NEDD4L: variants seen among roughly 807,000 people sequenced by gnomAD.
NEDD4L encodes the protein E3 ubiquitin-protein ligase NEDD4-like.
A neutral mutation model predicts 148.9 loss-of-function variants in NEDD4L; 54 were observed. That is an observed-to-expected ratio of 0.36 (90% CI 0.29 to 0.45). The LOEUF is 0.45. NEDD4L is among the 20% of genes least tolerant of loss of function. The pLI, the probability that NEDD4L is intolerant of heterozygous loss-of-function variation, is 1.00. For synonymous variants in NEDD4L, 433 were observed against 440.7 expected, an observed-to-expected ratio of 0.98 and a Z score of 0.22; for missense variants, 856 against 1,233.8, an observed-to-expected ratio of 0.69 and a Z score of 4.59.
intron 1 of NEDD4L, among the ~76,000 whole-genome samples, chr18:58,069,136 CA>C (rs1161273608): frequency 0.087 from 6,373 of 73,218 alleles, 433 homozygotes; most frequent in African/African-American, 0.25. Flanking sequence ...AATCTGTCTC[CA>C]AAAAAAAAAA....
intron 2 of NEDD4L, among the ~76,000 whole-genome samples, chr18:58,223,058 T>C (rs1006205150): frequency 9.2e-5 from 14 of 151,708 alleles, no homozygotes; most frequent in African/African-American, 3.1e-4. Context: ...TTTTTAAACC[T>C]TTTTTAATGT....
chr18:58,071,060 C>T lies in NEDD4L; in HGVS notation c.48+26352C>T, dbSNP rs1050412362. Among the ~76,000 whole-genome samples, 4 of 152,118 alleles carry T rather than the reference C, an allele frequency of 2.6e-5. No homozygotes were observed. The East Asian group carries it at 5.8e-4, about 22-fold the overall frequency. ...AAAAAACACACACACACACACACCTCGGTTTCTGCCTAGTTTCTAGGATAG... is the reference window on the plus strand; with the variant it reads ...AAAAAACACACACACACACACACCTTGGTTTCTGCCTAGTTTCTAGGATAG... On this transcript the variant is annotated intron_variant, in intron 1 of 30. Coordinates refer to ENST00000400345, the MANE Select transcript of NEDD4L (RefSeq NM_001144967.3).
intron 1 of NEDD4L, among the ~76,000 whole-genome samples, chr18:58,108,355 A>T (rs1038677907): frequency 1.3e-5 from 2 of 152,214 alleles, no homozygotes; most frequent in Non-Finnish European, 2.9e-5. Flanking sequence ...GAGGAACATC[A>T]TGAAAATATT....
intron 1 of NEDD4L, chr18:58,045,896 C>T (rs1460979231): frequency 1.3e-5 from 2 of 152,234 alleles, no homozygotes; most frequent in Admixed American, 6.5e-5. Flanking sequence ...GAGGTTCCCT[C>T]TTTCTCTCGT....
chr18:58,363,760 G>A (rs769440751), intron 19 of NEDD4L, among the ~76,000 whole-genome samples: 10 of 152,312 alleles, frequency 6.6e-5, no homozygotes, highest in Non-Finnish European at 8.8e-5. Flanking sequence ...TTTTGAGAAT[G>A]CCATCTGCCT....
intron 22 of NEDD4L, among the ~76,000 whole-genome samples, chr18:58,369,069 G>A (rs1303087512): frequency 6.6e-6 from 1 of 152,210 alleles, no homozygotes; most frequent in Non-Finnish European, 1.5e-5. Context: ...AAAGAGATGA[G>A]AACAAAACCA....
At chr18:58,373,581 A>G (rs1601832126) in intron 24 of NEDD4L, among the ~76,000 whole-genome samples, 1 of 152,326 alleles carries the variant, frequency 6.6e-6, no homozygotes, top group East Asian at 1.9e-4. Context: ...GTACTTGAAA[A>G]AATAGTGAGA....
At position 58,335,536 on chromosome 18, in the gene NEDD4L, C is replaced by A. The variant is rs753372731; in HGVS notation, c.1124C>A (p.Thr375Lys). ...SSTVTGGEEP[T>K]PSVAYVHTTP... ...ACTGTCACGGGTGGTGAGGAACCAA[C>A]GGTAATGATCCACTTTATCAGACAT... is the stretch of plus-strand genomic sequence containing the variant. The change falls in exon 13 of 31, where the codon ACG (threonine) becomes AAG (lysine). Residue 375 changes from threonine to lysine, a missense_variant and splice_region_variant. Physicochemically the swap from Thr to Lys is moderately conservative, Grantham distance 78. Coordinates refer to ENST00000400345, the MANE Select transcript of NEDD4L (RefSeq NM_001144967.3). The A allele has an allele frequency of 6.2e-7, 1 of 1,611,256 alleles. No individual in the cohort carries two copies. Among genetic ancestry groups the A allele is most frequent in the Non-Finnish European group, 8.5e-7 (1 of 1,177,490 alleles).
intron 1 of NEDD4L, among the ~76,000 whole-genome samples, chr18:58,144,925 G>A (rs1476184647): frequency 6.6e-6 from 1 of 152,288 alleles, no homozygotes; most frequent in Non-Finnish European, 1.5e-5. Context: ...GCCCAACAGA[G>A]GGACCTCATG....
intron 1 of NEDD4L, among the ~76,000 whole-genome samples, chr18:58,077,089 A>G (rs904914470): frequency 1.3e-5 from 2 of 148,824 alleles, no homozygotes; most frequent in African/African-American, 4.9e-5. Context: ...GACCTCAGGT[A>G]ATCTGCCCGC....
rs758356550 is a variant in NEDD4L at position 58,367,876 on chromosome 18, T to G, written c.2185+9T>G. The stretch of plus-strand genomic sequence containing the variant: ...TGGGAAGCTCTTAGATGGTAAGTCT[T>G]GAAGTAATAAAAATAGGTCAGTGCT... On this transcript the variant is annotated intron_variant, in intron 22 of 30. Coordinates refer to ENST00000400345, the MANE Select transcript of NEDD4L (RefSeq NM_001144967.3). The G allele has an allele frequency of 6.2e-7, 1 of 1,613,986 alleles. No individual in the cohort carries two copies. Among genetic ancestry groups the G allele is most frequent in the Admixed American group, 1.7e-5 (1 of 60,028 alleles).
rs559436662 is a variant in NEDD4L, at chr18:58,056,981, T to C, written c.48+12273T>C. Among the ~76,000 whole-genome samples, 17 of 151,594 alleles carry C rather than the reference T, an allele frequency of 1.1e-4. No individual in the cohort carries two copies. The South Asian group carries it at 3.6e-3, about 32-fold the overall frequency. On this transcript the variant is annotated intron_variant, in intron 1 of 30. Coordinates refer to ENST00000400345, the MANE Select transcript of NEDD4L (RefSeq NM_001144967.3). ...CTCCTGTGCCTTAAATCTTCTGTTGTGTCTCAGGGCCCACAGAGGCTGAGA... is the reference window on the plus strand; with the variant it reads ...CTCCTGTGCCTTAAATCTTCTGTTGCGTCTCAGGGCCCACAGAGGCTGAGA...
intron 2 of NEDD4L, among the ~76,000 whole-genome samples, chr18:58,223,684 A>G (rs1168302007): frequency 2.0e-5 from 3 of 152,146 alleles, no homozygotes; most frequent in Non-Finnish European, 4.4e-5. Flanking sequence ...GTTAAATATG[A>G]TGTAGTGTGC....
At chr18:58,328,796 A>C (rs924075783) in intron 9 of NEDD4L, among the ~76,000 whole-genome samples, 199 bp from the exon 10 acceptor site, 2 of 152,230 alleles carry the variant, frequency 1.3e-5, no homozygotes, top group Non-Finnish European at 2.9e-5. Context: ...AACTGCATTT[A>C]TTTGATTGAA....
chr18:58,065,768 T>C lies in NEDD4L; in HGVS notation c.48+21060T>C, dbSNP rs2082560905. ...TGGCCTTAACGAAGTTGAACACTTA[T>C]CTTAGTCACTATGGTTGGCTTTGAA... On this transcript the variant is annotated intron_variant, in intron 1 of 30. Coordinates refer to ENST00000400345, the MANE Select transcript of NEDD4L (RefSeq NM_001144967.3). Among the ~76,000 whole-genome samples the C allele has an allele frequency of 3.9e-5, 6 of 152,328 alleles. No homozygotes were observed. In the South Asian group the frequency reaches 1.0e-3, roughly 26 times the overall value.
rs939284977 is a variant in NEDD4L, at chr18:58,327,433, T to C, written c.681-1562T>C. Among the ~76,000 whole-genome samples, 32 of 152,200 alleles carry C rather than the reference T, an allele frequency of 2.1e-4. 1 individual carries two copies. The highest frequency in any genetic ancestry group is 6.0e-4 in the African/African-American group (25 of 41,536). ...TTCTTAATCCAAGTTCGGGCTCACATGTAGTTTTGGGAGAAGGCAGAGGCA... is the reference window on the plus strand; with the variant it reads ...TTCTTAATCCAAGTTCGGGCTCACACGTAGTTTTGGGAGAAGGCAGAGGCA... On this transcript the variant is annotated intron_variant, in intron 9 of 30. Transcript: ENST00000400345.
intron 1 of NEDD4L, among the ~76,000 whole-genome samples, chr18:58,148,279 C>CCT (rs2034320805): frequency 6.6e-6 from 1 of 151,356 alleles, no homozygotes; most frequent in East Asian, 1.9e-4. Flanking sequence ...AGTTCTCCTG[C>CCT]CTCAGCCTCC....
chr18:58,335,441 CT>C (rs1413711117), intron 12 of NEDD4L, 36 bp from the exon 13 acceptor site: 2 of 1,576,600 alleles, frequency 1.3e-6, no homozygotes, highest in African/African-American at 2.7e-5. Context: ...GGGTCATCCC[CT>C]AAGTGCATTT....
chr18:58,253,225 A>G (rs1290617717), intron 5 of NEDD4L, among the ~76,000 whole-genome samples: 1 of 152,232 alleles, frequency 6.6e-6, no homozygotes, highest in Non-Finnish European at 1.5e-5. Context: ...GTCGATGAGA[A>G]GAACCAGGTC....
Sources: allele counts gnomAD v4.1 joint callset (sites outside exome capture counted in the v4.1 genomes callset), GRCh38; gene constraint gnomAD v4.1.1; transcripts MANE v1.5; gene names NCBI Gene and HGNC (gene_info 2026-07-23, HGNC 2026-07-21).